The following NRP2 variants were observed in gnomAD, a reference collection of about 807,000 sequenced individuals.
NRP2 encodes the protein neuropilin-2.
In NRP2, 52 loss-of-function variants were observed where a neutral mutation model predicts 110.4. The ratio of observed to expected loss-of-function variants is 0.47; its 90% confidence interval spans 0.38 to 0.59. NRP2 has a LOEUF of 0.59. NRP2 is among the 20% of genes least tolerant of loss of function. The probability of loss-of-function intolerance (pLI) is 0.00; values close to 1 mark genes in which losing one functional copy is unlikely to be tolerated. For missense variants in NRP2, 1,049 were observed against 1,203.0 expected (o/e 0.87, Z 1.89); for synonymous variants, 508 against 468.9 (o/e 1.08, Z -1.08).
chr2:205,779,233 G>A (rs533484639), intron 15 of NRP2: 1 of 152,344 alleles, frequency 6.6e-6, no homozygotes, highest in East Asian at 1.9e-4. Context: ...ACACCTTCAG[G>A]AGGGAAGCCC....
chr2:205,721,674 G>A (rs895994714), intron 3 of NRP2, among the ~76,000 whole-genome samples: 2 of 152,134 alleles, frequency 1.3e-5, no homozygotes, highest in Non-Finnish European at 2.9e-5. Flanking sequence ...GCCTCCATGC[G>A]TCCCAAGAAA....
intron 2 of NRP2, among the ~76,000 whole-genome samples, chr2:205,709,313 G>A (rs1045389022): frequency 4.6e-5 from 7 of 152,276 alleles, no homozygotes; most frequent in Non-Finnish European, 7.4e-5. Context: ...AAGGTGTCAT[G>A]TGTGTGTAAC....
chr2:205,760,493 T>G (rs1326460745), intron 12 of NRP2, among the ~76,000 whole-genome samples: 1 of 152,192 alleles, frequency 6.6e-6, no homozygotes, highest in African/African-American at 2.4e-5. Flanking sequence ...ATGTCAGCAC[T>G]GAATTATGAT....
chr2:205,759,254 A>C (rs1353280205), intron 12 of NRP2, among the ~76,000 whole-genome samples: 2 of 152,236 alleles, frequency 1.3e-5, no homozygotes, highest in African/African-American at 4.8e-5. Flanking sequence ...TTCACAAGTG[A>C]AAATGTCTCT....
chr2:205,716,686 T>G (rs1267288431), intron 3 of NRP2, among the ~76,000 whole-genome samples: 1 of 152,136 alleles, frequency 6.6e-6, no homozygotes, highest in East Asian at 1.9e-4. Flanking sequence ...ATCAAAATAA[T>G]CTTCATGGGA....
chr2:205,754,300 C>T (rs780578361), intron 12 of NRP2, among the ~76,000 whole-genome samples: 1 of 152,206 alleles, frequency 6.6e-6, no homozygotes, highest in Non-Finnish European at 1.5e-5. Flanking sequence ...CAAGCACTGG[C>T]GTGTCCCTTC....
intron 15 of NRP2, chr2:205,767,854 C>G (rs1181620614): frequency 1.2e-5 from 2 of 160,364 alleles, no homozygotes; most frequent in African/African-American, 4.8e-5. Context: ...GCTGTGCCCT[C>G]TTTGTACTGG....
rs766902359 is a variant in NRP2 at position 205,728,033 on chromosome 2, G to A, written c.1133G>A (p.Gly378Asp). ...NGEDWMVYRHGKNHKVFQANN... is the reference protein window; with the variant it reads ...NGEDWMVYRHDKNHKVFQANN... ...GAGGACTGGATGGTGTACCGGCATG[G>A]CAAAAACCACAAGGTAAATCCATGA... The change falls in exon 7 of 17, where the codon GGC (glycine) becomes GAC (aspartate). Residue 378 changes from glycine (G) to aspartate (D), a missense_variant. Transcript: ENST00000357785. 1 of 1,614,016 alleles carries A rather than the reference G, an allele frequency of 6.2e-7. No homozygotes were observed. The highest frequency in any genetic ancestry group is 1.7e-5 in the Admixed American group (1 of 60,010).
Position 205,734,665 on chromosome 2 carries a change from C to A in NRP2, c.1147-5854C>A, listed in dbSNP as rs150656320. On this transcript the variant is annotated intron_variant, in intron 7 of 16. Coordinates refer to ENST00000357785, the MANE Select transcript of NRP2 (RefSeq NM_003872.3). The stretch of plus-strand genomic sequence containing the variant: ...CTGGCTTCCCCCAGCCTCTGTCCTG[C>A]ATTCCTGCCACTTTTCTCTTCTGCC... 2.6e-5 allele frequency among the ~76,000 whole-genome samples: 4 copies of A among 152,314 alleles called. No individual in the cohort carries two copies. The East Asian group carries it at 7.7e-4, about 29-fold the overall frequency.
chr2:205,692,274 T>G (rs533491237), intron 1 of NRP2, among the ~76,000 whole-genome samples: 1 of 152,310 alleles, frequency 6.6e-6, no homozygotes, highest in East Asian at 1.9e-4. Flanking sequence ...CCTTAGGAAG[T>G]GGTCAAACAG....
chr2:205,776,608 C>T, intron 15 of NRP2: 1 of 1,597,886 alleles, frequency 6.3e-7, no homozygotes, highest in Non-Finnish European at 8.5e-7. Context: ...TTTCTCCTCG[C>T]CTAGTTTCTG....
At chr2:205,783,882 T>G (rs1246418188) in intron 15 of NRP2, among the ~76,000 whole-genome samples, 1 of 152,142 alleles carries the variant, frequency 6.6e-6, no homozygotes, top group Admixed American at 6.5e-5. Context: ...AGTGTGTGCT[T>G]TCCCTGACCT....
At position 205,716,234 on chromosome 2, in the gene NRP2, C is replaced by A; in HGVS notation, c.293C>A (p.Ala98Glu). Residue 98 changes from alanine to glutamate, a missense_variant, in exon 3 of 17, where the codon GCA (alanine) becomes GAA (glutamate). Transcript: ENST00000357785. ...IEIRDGDSES[A>E]DLLGKHCGNI... ...ATTCGGGATGGGGACAGTGAATCCG[C>A]AGACCTCCTGGGCAAACACTGTGGG... The A allele has an allele frequency of 1.2e-6, 2 of 1,614,214 alleles. No individual in the cohort carries two copies. Among genetic ancestry groups the A allele is most frequent in the Non-Finnish European group, 1.7e-6 (2 of 1,180,038 alleles).
Position 205,716,333 on chromosome 2 carries a change from A to G in NRP2, c.392A>G (p.Gln131Arg). Residue 131 changes from glutamine to arginine, a missense_variant, in exon 3 of 17, where the codon CAG becomes CGG. Transcript: ENST00000357785. ...YIKFTSDYARQGAGFSLRYEI... is the reference protein window; with the variant it reads ...YIKFTSDYARRGAGFSLRYEI... Reference sequence around the variant, plus strand: ...AAGTTCACCTCCGACTACGCCCGGCAGGGGGCAGGCTTCTCTCTGCGCTAC... The same window carrying G: ...AAGTTCACCTCCGACTACGCCCGGCGGGGGGCAGGCTTCTCTCTGCGCTAC... The G allele has an allele frequency of 6.2e-7, 1 of 1,614,064 alleles. No homozygotes were observed. The highest frequency in any genetic ancestry group is 1.1e-5 in the South Asian group (1 of 91,070).
chr2:205,698,568 T>TTAC (rs2056486348), intron 2 of NRP2, among the ~76,000 whole-genome samples: 1 of 152,226 alleles, frequency 6.6e-6, no homozygotes, highest in Non-Finnish European at 1.5e-5. Context: ...AAATGCCATG[T>TTAC]TACTACCGAG....
chr2:205,732,330 A>G (rs2105840267), intron 7 of NRP2, among the ~76,000 whole-genome samples: 1 of 152,370 alleles, frequency 6.6e-6, no homozygotes, highest in Non-Finnish European at 1.5e-5. Flanking sequence ...TCTATCCCAT[A>G]TTTATTTTCT....
intron 2 of NRP2, among the ~76,000 whole-genome samples, chr2:205,715,712 C>T (rs1286854146): frequency 6.6e-6 from 1 of 152,034 alleles, no homozygotes; most frequent in African/African-American, 2.4e-5. Flanking sequence ...GTGCCTAGCC[C>T]CTTACATATA....
At chr2:205,765,651 T>C (rs751494065) in intron 14 of NRP2, 81 bp downstream of exon 14, 1 of 1,210,998 alleles carries the variant, frequency 8.3e-7, no homozygotes, top group Non-Finnish European at 1.2e-6. Flanking sequence ...CAGGACACCA[T>C]TTTCCAATGC....
intron 7 of NRP2, among the ~76,000 whole-genome samples, chr2:205,729,091 C>T (rs1483707437): frequency 6.6e-6 from 1 of 152,216 alleles, no homozygotes; most frequent in South Asian, 2.1e-4. Flanking sequence ...TCTCCTCAGC[C>T]CCTGTCACTG....
Sources: allele counts gnomAD v4.1 joint callset (sites outside exome capture counted in the v4.1 genomes callset), GRCh38; gene constraint gnomAD v4.1.1; transcripts MANE v1.5; gene names NCBI Gene and HGNC (gene_info 2026-07-23, HGNC 2026-07-21).